TCF4: variants seen among roughly 807,000 people sequenced by gnomAD.
TCF4 encodes the protein SL3-3 enhancer factor 2.
TCF4 carries 3 observed loss-of-function variants against 82.1 expected under a neutral mutation model. The observed-to-expected ratio is 0.04, with a 90% confidence interval of 0.02 to 0.09. TCF4 has a LOEUF of 0.09. TCF4 is among the 10% of genes least tolerant of loss of function. The pLI is 1.00. For missense variants in TCF4, 518 were observed against 852.7 expected (o/e 0.61, Z 4.89); for synonymous variants, 276 against 309.6 (o/e 0.89, Z 1.14).
At chr18:55,425,516 G>A (rs1440832980) in intron 5 of TCF4, among the ~76,000 whole-genome samples, 6 of 145,238 alleles carry the variant, frequency 4.1e-5, no homozygotes, top group Admixed American at 6.8e-5. Flanking sequence ...TGAAGTCAAG[G>A]AAAAAAAAAA....
intron 3 of TCF4, among the ~76,000 whole-genome samples, chr18:55,532,306 G>C (rs1027548562): frequency 2.0e-5 from 3 of 152,068 alleles, no homozygotes; most frequent in Non-Finnish European, 4.4e-5. Flanking sequence ...TCATCAACAC[G>C]CCATGGCTAG....
intron 3 of TCF4, among the ~76,000 whole-genome samples, chr18:55,489,517 A>G (rs1227958362): frequency 6.6e-6 from 1 of 152,188 alleles, no homozygotes; most frequent in African/African-American, 2.4e-5. Flanking sequence ...CAGTGCACCA[A>G]GAACTCCAGA....
At chr18:55,269,299 C>T (rs1353017201) in intron 11 of TCF4, 10 of 158,644 alleles carry the variant, frequency 6.3e-5, no homozygotes, top group Admixed American at 5.9e-4. Flanking sequence ...CATAAGTGAA[C>T]AAATACTTCT....
chr18:55,277,655 T>C (rs1334960793), intron 9 of TCF4, among the ~76,000 whole-genome samples: 2 of 151,908 alleles, frequency 1.3e-5, no homozygotes, highest in Non-Finnish European at 2.9e-5. Context: ...TAAACAAATT[T>C]GTTCCCCATA....
chr18:55,312,214 C>T (rs1171005398), intron 8 of TCF4, among the ~76,000 whole-genome samples: 4 of 152,126 alleles, frequency 2.6e-5, no homozygotes, highest in Non-Finnish European at 4.4e-5. Context: ...AATAGGTAAT[C>T]TATTGAGAGA....
At chr18:55,355,504 T>C (rs894280716) in intron 6 of TCF4, among the ~76,000 whole-genome samples, 1 of 152,170 alleles carries the variant, frequency 6.6e-6, no homozygotes, top group Non-Finnish European at 1.5e-5. Flanking sequence ...ATAATTTTGC[T>C]GCTGTTGGCA....
intron 8 of TCF4, among the ~76,000 whole-genome samples, chr18:55,348,157 T>C (rs1461925826): frequency 6.6e-6 from 1 of 152,186 alleles, no homozygotes; most frequent in Non-Finnish European, 1.5e-5. Flanking sequence ...TTGTAAGTAA[T>C]AAGCAATTGA....
At position 55,584,710 on chromosome 18, in the gene TCF4, T is replaced by C. The variant is rs542161814; in HGVS notation, c.145+570A>G. Among the ~76,000 whole-genome samples, 3 of 151,858 alleles carry C rather than the reference T, an allele frequency of 2.0e-5. No individual in the cohort carries two copies. The South Asian group carries it at 6.2e-4, about 32-fold the overall frequency. On this transcript the variant is annotated intron_variant, in intron 3 of 19. Transcript: ENST00000354452. Reference sequence around the variant, plus strand: ...AGTAAAAATTCATTGCACAAGTAAATCGTTAGGGAAAAAAAAACAGCTAAA... The same window carrying C: ...AGTAAAAATTCATTGCACAAGTAAACCGTTAGGGAAAAAAAAACAGCTAAA...
intron 5 of TCF4, among the ~76,000 whole-genome samples, chr18:55,422,711 C>G (rs912552464): frequency 6.6e-6 from 1 of 151,962 alleles, no homozygotes; most frequent in Non-Finnish European, 1.5e-5. Flanking sequence ...GGAATGAAAC[C>G]GATCCAATCT....
At position 55,336,791 on chromosome 18, in the gene TCF4, A is replaced by C. The variant is rs529986011; in HGVS notation, c.549+13568T>G. ...ATTAAGAATCTTGCATTATTGGTGT[A>C]AATACTTCCAAGGGTACATCAAATT... On this transcript the variant is annotated intron_variant, in intron 8 of 19. Coordinates refer to ENST00000354452, the MANE Select transcript of TCF4 (RefSeq NM_001083962.2). Among the ~76,000 whole-genome samples the C allele has an allele frequency of 3.9e-5, 6 of 152,280 alleles. No homozygotes were observed. In the South Asian group the frequency reaches 1.2e-3, roughly 32 times the overall value.
intron 3 of TCF4, among the ~76,000 whole-genome samples, chr18:55,465,586 G>T (rs1015636103): frequency 2.6e-5 from 4 of 152,086 alleles, no homozygotes; most frequent in African/African-American, 9.7e-5. Context: ...GAGAAAAGGT[G>T]TAAAACCTTC....
intron 3 of TCF4, among the ~76,000 whole-genome samples, chr18:55,507,128 G>T (rs984086491): frequency 6.6e-6 from 1 of 152,208 alleles, no homozygotes; most frequent in South Asian, 2.1e-4. Context: ...CTCCCAAAGT[G>T]CTGGGATTAC....
intron 2 of TCF4, among the ~76,000 whole-genome samples, chr18:55,599,690 C>T (rs1321604921): frequency 2.0e-5 from 3 of 152,192 alleles, no homozygotes; most frequent in African/African-American, 7.2e-5. Context: ...CACTGCACTC[C>T]AGCCTGGGTG....
At chr18:55,562,065 T>C (rs1008577706) in intron 3 of TCF4, among the ~76,000 whole-genome samples, 1 of 152,204 alleles carries the variant, frequency 6.6e-6, no homozygotes, top group Non-Finnish European at 1.5e-5. Flanking sequence ...CTACTGTCTG[T>C]TTTGCAAATA....
At chr18:55,602,986 G>C (rs990618974) in intron 2 of TCF4, among the ~76,000 whole-genome samples, 2 of 152,134 alleles carry the variant, frequency 1.3e-5, no homozygotes, top group Non-Finnish European at 2.9e-5. Flanking sequence ...TGTAATAGGT[G>C]ATGCTTCCCC....
intron 6 of TCF4, among the ~76,000 whole-genome samples, chr18:55,362,893 A>G (rs2085843848): frequency 6.6e-6 from 1 of 152,226 alleles, no homozygotes; most frequent in Non-Finnish European, 1.5e-5. Context: ...AAAAATCATG[A>G]AAGGATTCAG....
chr18:55,321,647 C>A (rs2147490643), intron 8 of TCF4: 1 of 1,536,098 alleles, frequency 6.5e-7, no homozygotes, highest in Admixed American at 2.0e-5. Flanking sequence ...CAAAAATCCC[C>A]CTCGCAGCCC....
intron 8 of TCF4, among the ~76,000 whole-genome samples, chr18:55,345,042 C>T (rs2080864424): frequency 6.6e-6 from 1 of 152,040 alleles, no homozygotes; most frequent in African/African-American, 2.4e-5. Context: ...TGAAGGAGCT[C>T]ATTATTCCAA....
intron 3 of TCF4, among the ~76,000 whole-genome samples, chr18:55,480,303 G>A (rs1239389511): frequency 2.2e-5 from 3 of 134,248 alleles, no homozygotes; most frequent in Non-Finnish European, 3.2e-5. Context: ...AAAAGCGGGG[G>A]GGCGGGGGGA....
Sources: gnomAD v4.1 joint callset for allele counts (sites outside exome capture counted in the v4.1 genomes callset) on GRCh38, gnomAD v4.1.1 for gene constraint, MANE v1.5 for transcripts, NCBI Gene and HGNC (gene_info 2026-07-23, HGNC 2026-07-21) for gene names.